The following AFF4 variants were observed in gnomAD, a reference collection of about 807,000 sequenced individuals.
AFF4 encodes the protein ALF transcription elongation factor 4, also known as AF4/FMR2 family member 4.
AFF4 carries 13 observed loss-of-function variants against 124.8 expected under a neutral mutation model. The observed-to-expected ratio is 0.10, with a 90% confidence interval of 0.07 to 0.17. AFF4 has a LOEUF of 0.17. AFF4 is among the 10% of genes least tolerant of loss of function. The pLI is 1.00. For missense variants in AFF4, 1,092 were observed against 1,403.8 expected (o/e 0.78, Z 3.55); for synonymous variants, 477 against 496.1 (o/e 0.96, Z 0.51).
chr5:132,892,457 T>A, intron 12 of AFF4, 53 bp from the exon 13 acceptor site: 1 of 1,542,082 alleles, frequency 6.5e-7, no homozygotes, highest in Non-Finnish European at 8.7e-7. Flanking sequence ...ACAGGGGTAA[T>A]TGATTTTTCC....
chr5:132,943,420 G>A, intron 1 of AFF4: 1 of 179,936 alleles, frequency 5.6e-6, no homozygotes. Flanking sequence ...TGTAAAGATG[G>A]CAAATGCCAG....
intron 5 of AFF4, among the ~76,000 whole-genome samples, chr5:132,910,658 A>C (rs1404418038): frequency 6.6e-6 from 1 of 152,230 alleles, no homozygotes; most frequent in African/African-American, 2.4e-5. Context: ...CCTTAGCAAC[A>C]GTCAGTCAGT....
rs982571073 is a variant in AFF4, at chr5:132,885,225, G to A, written c.3100-106C>T. 1.4e-5 allele frequency: 11 copies of A among 781,626 alleles called. No individual in the cohort carries two copies. The South Asian group carries it at 1.5e-4, about 11-fold the overall frequency. 48.4% of individuals were successfully genotyped at this position (781,626 alleles called of 1,614,324 possible). A position where few individuals can be genotyped will look rare whatever the true frequency, so the allele number is the denominator to read the frequency against. ...GGGCAAGAGCTCATCGTGAGCAGCT[G>A]TAAATATTTAAGACACCAAAATACG... On this transcript the variant is annotated intron_variant, in intron 18 of 20. Coordinates refer to ENST00000265343, the MANE Select transcript of AFF4 (RefSeq NM_014423.4).
chr5:132,939,836 A>C (rs549099020), intron 1 of AFF4, among the ~76,000 whole-genome samples: 1 of 151,960 alleles, frequency 6.6e-6, no homozygotes, highest in South Asian at 2.1e-4. Flanking sequence ...CTGGTCTCAA[A>C]CTCCAGACAT....
At chr5:132,945,346 G>A (rs564257828) in intron 1 of AFF4, 17 of 152,270 alleles carry the variant, frequency 1.1e-4, no homozygotes, top group African/African-American at 4.1e-4. Flanking sequence ...ATGAGAGGCT[G>A]GTTCGAAGGT....
At chr5:132,887,774 A>C in intron 16 of AFF4, 72 bp downstream of exon 16, 1 of 1,576,046 alleles carries the variant, frequency 6.3e-7, no homozygotes, top group Non-Finnish European at 8.7e-7. Context: ...AGTTTACTAT[A>C]TATCAGCCTC....
Position 132,902,380 on chromosome 5 carries a change from G to C in AFF4, c.1133+62C>G, listed in dbSNP as rs534637886. On this transcript the variant is annotated intron_variant, in intron 7 of 20. Coordinates refer to ENST00000265343, the MANE Select transcript of AFF4 (RefSeq NM_014423.4). The stretch of plus-strand genomic sequence containing the variant: ...TTCTAAATACTGTTCAAAATACCTA[G>C]ATATTACAGGTAACTTTTAGCAAAA... 1.0e-4 allele frequency: 138 copies of C among 1,316,862 alleles called. 2 individuals carry two copies. The South Asian group carries it at 1.5e-3, about 14-fold the overall frequency. The allele number at this position is 1,316,862 out of a possible 1,614,324, so 81.6% of individuals were successfully genotyped here.
In AFF4 at chr5:132,937,080, T is replaced by C; in HGVS notation, c.110A>G (p.Glu37Gly). The part of the protein sequence containing the change: ...AFPPSSPLFA[E>G]PYKVTSKEDK... ...AGGGCAACTTACAACTTTGTATGGC[T>C]CTGCAAAGAGAGGAGAGCTAGGTGG... The change falls in exon 2 of 21, where the codon GAG becomes GGG. Residue 37 changes from glutamate to glycine, a missense_variant. By Grantham distance (98) the Glu-to-Gly change is moderately conservative. Coordinates refer to ENST00000265343, the MANE Select transcript of AFF4 (RefSeq NM_014423.4). 6.2e-7 allele frequency: 1 copy of C among 1,613,020 alleles called. No homozygotes were observed. Among genetic ancestry groups the C allele is most frequent in the Non-Finnish European group, 8.5e-7 (1 of 1,179,600 alleles).
At chr5:132,938,941 CA>C (rs762784790) in intron 1 of AFF4, among the ~76,000 whole-genome samples, 1,008 of 38,280 alleles carry the variant, frequency 0.026, no homozygotes, top group African/African-American at 0.056. Context: ...AGACTCATCT[CA>C]AAAAAAAAAA....
chr5:132,936,627 C>T (rs1382407459), intron 2 of AFF4, among the ~76,000 whole-genome samples: 1 of 152,032 alleles, frequency 6.6e-6, no homozygotes, highest in Non-Finnish European at 1.5e-5. Flanking sequence ...AATTGAGTTA[C>T]AAAATTCTAA....
intron 1 of AFF4, among the ~76,000 whole-genome samples, chr5:132,941,018 C>A (rs1350255952): frequency 7.3e-6 from 1 of 137,460 alleles, no homozygotes; most frequent in African/African-American, 2.8e-5. Flanking sequence ...CAAAACGAAA[C>A]TACATCTCAA....
At chr5:132,924,398 G>T (rs914676992) in intron 5 of AFF4, among the ~76,000 whole-genome samples, 7 of 152,112 alleles carry the variant, frequency 4.6e-5, no homozygotes, top group African/African-American at 1.7e-4. Flanking sequence ...TCTAGAAAAA[G>T]CAAAACTTAT....
rs375163015 is a variant in AFF4 at position 132,887,881 on chromosome 5, T to C, written c.2898A>G (p.Pro966=). The part of the protein sequence containing the change: ...LEKNAQESKS[P]FPMYSETVDL... ...CCACCGTCTCTGAATACATAGGGAA[T>C]GGGGATTTGGATTCCTGAGCATTCT... The change falls in exon 16 of 21, where the codon CCA becomes CCG. Residue 966 remains proline, a synonymous_variant. Coordinates refer to ENST00000265343, the MANE Select transcript of AFF4 (RefSeq NM_014423.4). 60 of 1,613,778 alleles carry C rather than the reference T, an allele frequency of 3.7e-5. No individual in the cohort carries two copies. The highest frequency in any genetic ancestry group is 4.7e-5 in the Non-Finnish European group (56 of 1,179,946).
intron 1 of AFF4, among the ~76,000 whole-genome samples, chr5:132,946,523 T>C (rs1294863022): frequency 6.6e-6 from 1 of 152,210 alleles, no homozygotes; most frequent in Non-Finnish European, 1.5e-5. Context: ...TTCTGATACA[T>C]GCTACAACAT....
At chr5:132,898,511 T>C in intron 9 of AFF4, 119 bp from the exon 10 acceptor site, 1 of 1,068,608 alleles carries the variant, frequency 9.4e-7, no homozygotes, top group Non-Finnish European at 1.3e-6. Context: ...TTAGACGGAG[T>C]CTTGCTCTGT....
intron 1 of AFF4, among the ~76,000 whole-genome samples, chr5:132,940,293 A>G (rs1174982181): frequency 6.6e-6 from 1 of 151,824 alleles, no homozygotes; most frequent in Non-Finnish European, 1.5e-5. Flanking sequence ...AGGTCAGGAG[A>G]TTGAGATATC....
intron 11 of AFF4, among the ~76,000 whole-genome samples, chr5:132,893,591 C>T (rs1276144861): frequency 6.6e-6 from 1 of 152,096 alleles, no homozygotes; most frequent in Non-Finnish European, 1.5e-5. Context: ...GATCTCAGCT[C>T]ACTGCAACCT....
chr5:132,950,507 G>A (rs1279108071), intron 1 of AFF4, among the ~76,000 whole-genome samples: 1 of 152,038 alleles, frequency 6.6e-6, no homozygotes, highest in African/African-American at 2.4e-5. Context: ...AAGCAAGCTA[G>A]GCATGGTGGT....
chr5:132,888,178 A>G lies in AFF4; in HGVS notation c.2733-18T>C, dbSNP rs1276982564. ...AATAATTTCTGCAAGACAAATTTTC[A>G]TTATAAATAGAATAGTAAATATTTT... On this transcript the variant is annotated intron_variant, in intron 14 of 20. Coordinates refer to ENST00000265343, the MANE Select transcript of AFF4 (RefSeq NM_014423.4). 6.3e-7 allele frequency: 1 copy of G among 1,579,660 alleles called. No homozygotes were observed. Among genetic ancestry groups the G allele is most frequent in the Non-Finnish European group, 8.7e-7 (1 of 1,155,452 alleles).
Sources: allele counts gnomAD v4.1 joint callset (sites outside exome capture counted in the v4.1 genomes callset), GRCh38; gene constraint gnomAD v4.1.1; transcripts MANE v1.5; gene names NCBI Gene and HGNC (gene_info 2026-07-23, HGNC 2026-07-21).